The following SYT1 variants were observed in gnomAD, a reference collection of about 807,000 sequenced individuals.
The protein encoded by SYT1 is synaptotagmin 1.
SYT1 carries 8 observed loss-of-function variants against 44.8 expected under a neutral mutation model. The ratio of observed to expected loss-of-function variants is 0.18; its 90% CI spans 0.10 to 0.32. The LOEUF is 0.32. Ranked by LOEUF, SYT1 falls within the 10% of genes least tolerant of loss-of-function variation. The pLI is 1.00. For synonymous variants in SYT1, 154 were observed against 188.8 expected, an observed-to-expected ratio of 0.82 and a Z score of 1.51; for missense variants, 286 against 509.3, an observed-to-expected ratio of 0.56 and a Z score of 4.22.
chr12:78,979,217 T>C (rs1869068222), intron 2 of SYT1, among the ~76,000 whole-genome samples: 1 of 152,204 alleles, frequency 6.6e-6, no homozygotes, highest in African/African-American at 2.4e-5. Context: ...CATTTTACAA[T>C]GAAGGGCAGG....
At chr12:79,445,849 CTAATA>C (rs1414961228) in intron 10 of SYT1, among the ~76,000 whole-genome samples, 1 of 145,818 alleles carries the variant, frequency 6.9e-6, no homozygotes, top group Non-Finnish European at 1.5e-5. Flanking sequence ...AAGAAGAAAG[CTAATA>C]TAATAGCTAC....
At chr12:79,169,951 C>T (rs1441391543) in intron 3 of SYT1, among the ~76,000 whole-genome samples, 2 of 151,894 alleles carry the variant, frequency 1.3e-5, no homozygotes, top group East Asian at 1.9e-4. Context: ...ATGTGGTATT[C>T]GGTTTTCTGT....
At chr12:79,317,395 G>A (rs1881143334) in intron 8 of SYT1, among the ~76,000 whole-genome samples, 1 of 152,180 alleles carries the variant, frequency 6.6e-6, no homozygotes, top group Non-Finnish European at 1.5e-5. Context: ...TACTTTAAAT[G>A]TCTCTCAAAT....
In SYT1 at chr12:79,157,814, A is replaced by G. The variant is rs76518227; in HGVS notation, c.-17-59689A>G. Among the ~76,000 whole-genome samples, 492 of 152,254 alleles carry G rather than the reference A, an allele frequency of 3.2e-3. 2 individuals are homozygous for G. The highest frequency in any genetic ancestry group is 0.012 in the African/African-American group (479 of 41,566). On this transcript the variant is annotated intron_variant, in intron 3 of 10. Transcript: ENST00000261205. The stretch of plus-strand genomic sequence containing the variant: ...TATTAACCCAATAATTCTCCCAACA[A>G]CTTTTCACATGGTTGCTATTATTAT...
intron 4 of SYT1, among the ~76,000 whole-genome samples, chr12:79,282,517 A>C (rs1475569301): frequency 6.6e-6 from 1 of 152,194 alleles, no homozygotes; most frequent in Non-Finnish European, 1.5e-5. Context: ...GTTGGGTAGC[A>C]ATAACAATAA....
chr12:79,221,936 T>C (rs1875189020), intron 4 of SYT1, among the ~76,000 whole-genome samples: 1 of 152,192 alleles, frequency 6.6e-6, no homozygotes, highest in African/African-American at 2.4e-5. Flanking sequence ...TTAGCAACTT[T>C]TTTTTTAACT....
At chr12:78,868,269 G>T (rs1311703824) in intron 1 of SYT1, among the ~76,000 whole-genome samples, 1 of 151,854 alleles carries the variant, frequency 6.6e-6, no homozygotes. Flanking sequence ...ACAAATCTTT[G>T]TCTAATATTA....
chr12:79,023,402 T>C (rs1020447565), intron 2 of SYT1, among the ~76,000 whole-genome samples: 2 of 151,738 alleles, frequency 1.3e-5, no homozygotes, highest in African/African-American at 4.8e-5. Context: ...ACACATGACA[T>C]TTCTGGGGCT....
intron 3 of SYT1, among the ~76,000 whole-genome samples, chr12:79,100,646 C>T (rs562436896): frequency 1.3e-5 from 2 of 152,122 alleles, no homozygotes; most frequent in African/African-American, 4.8e-5. Context: ...CTCTATTTTC[C>T]AAATTCCCTA....
At chr12:79,379,195 AT>A (rs1253378453) in intron 9 of SYT1, among the ~76,000 whole-genome samples, 1 of 152,130 alleles carries the variant, frequency 6.6e-6, no homozygotes, top group Non-Finnish European at 1.5e-5. Context: ...TCAACAGAGA[AT>A]TTTTTAGCAA....
At chr12:78,889,056 G>C (rs2137070079) in intron 1 of SYT1, among the ~76,000 whole-genome samples, 1 of 151,840 alleles carries the variant, frequency 6.6e-6, no homozygotes, top group Middle Eastern at 3.4e-3. Flanking sequence ...TTCCTTCAGA[G>C]CTCCTGGTTA....
At chr12:79,255,769 T>C (rs967745965) in intron 4 of SYT1, among the ~76,000 whole-genome samples, 2 of 152,236 alleles carry the variant, frequency 1.3e-5, no homozygotes, top group Non-Finnish European at 2.9e-5. Flanking sequence ...GTTTGCAGTA[T>C]ATGCAGTTTT....
chr12:79,363,357 A>G (rs1883394997), intron 9 of SYT1, among the ~76,000 whole-genome samples: 1 of 152,060 alleles, frequency 6.6e-6, no homozygotes, highest in South Asian at 2.1e-4. Flanking sequence ...TAGGTGACAA[A>G]AGCATGCAAA....
At chr12:79,332,223 A>T (rs1881886632) in intron 8 of SYT1, among the ~76,000 whole-genome samples, 1 of 152,214 alleles carries the variant, frequency 6.6e-6, no homozygotes, top group African/African-American at 2.4e-5. Context: ...GATGGCTTTC[A>T]TTCAAATTCA....
At chr12:79,295,024 G>A (rs922183290) in intron 6 of SYT1, among the ~76,000 whole-genome samples, 3 of 152,110 alleles carry the variant, frequency 2.0e-5, no homozygotes, top group Non-Finnish European at 4.4e-5. Context: ...AAATGGTTAT[G>A]CATTTTTTTT....
intron 1 of SYT1, among the ~76,000 whole-genome samples, chr12:78,959,615 A>G (rs1177271184): frequency 6.6e-6 from 1 of 152,172 alleles, no homozygotes; most frequent in Non-Finnish European, 1.5e-5. Context: ...AGAGACACCT[A>G]AAAAGGAAGA....
chr12:79,208,065 T>C (rs2138522981), intron 3 of SYT1, among the ~76,000 whole-genome samples: 1 of 152,298 alleles, frequency 6.6e-6, no homozygotes, highest in African/African-American at 2.4e-5. Flanking sequence ...CAGCTGCATC[T>C]CTCTGCACGT....
At chr12:79,100,727 G>A (rs1251451148) in intron 3 of SYT1, among the ~76,000 whole-genome samples, 1 of 152,076 alleles carries the variant, frequency 6.6e-6, no homozygotes, top group Non-Finnish European at 1.5e-5. Flanking sequence ...TTTACAGGCT[G>A]ATTACATATG....
intron 8 of SYT1, among the ~76,000 whole-genome samples, chr12:79,314,327 A>G (rs1307789873): frequency 1.3e-5 from 2 of 152,114 alleles, no homozygotes; most frequent in Non-Finnish European, 1.5e-5. Context: ...TTCAGAAGGC[A>G]TTGTCATACA....
Sources: allele counts gnomAD v4.1 joint callset (sites outside exome capture counted in the v4.1 genomes callset), GRCh38; gene constraint gnomAD v4.1.1; transcripts MANE v1.5; gene names NCBI Gene and HGNC (gene_info 2026-07-23, HGNC 2026-07-21).